The following RALGPS2 variants were observed in gnomAD, a reference collection of about 807,000 sequenced individuals.
RALGPS2 encodes ras-specific guanine nucleotide-releasing factor RalGPS2.
In RALGPS2, 43 loss-of-function variants were observed where a neutral mutation model predicts 86.8. The ratio of observed to expected loss-of-function variants is 0.50; its 90% CI spans 0.39 to 0.64. The LOEUF is 0.64. RALGPS2 is among the 30% of genes least tolerant of loss of function. RALGPS2 has a pLI of 0.00. For missense variants in RALGPS2, 536 were observed against 694.6 expected, an observed-to-expected ratio of 0.77 and a Z score of 2.57; for synonymous variants, 243 against 231.3, an observed-to-expected ratio of 1.05 and a Z score of -0.46.
chr1:178,885,842 A>T, intron 12 of RALGPS2, 127 bp from the exon 13 acceptor site: 1 of 800,254 alleles, frequency 1.2e-6, no homozygotes, highest in Non-Finnish European at 1.9e-6. Context: ...TGTTCATTTG[A>T]GGCTTTTATG....
In RALGPS2 at chr1:178,859,695, C is replaced by CTT. The variant is rs1190050936; in HGVS notation, c.608-17783_608-17782dup. Among the ~76,000 whole-genome samples the CTT allele has an allele frequency of 1.1e-3, 122 of 108,280 alleles. 3 individuals are homozygous for CTT. Among genetic ancestry groups the CTT allele is most frequent in the Middle Eastern group, 6.0e-3 (1 of 168 alleles). The allele number at this position is 108,280 out of a possible 152,430, so 71.0% of individuals were successfully genotyped here. On this transcript the variant is annotated intron_variant, in intron 8 of 19. Transcript: ENST00000367635. ...ACCATGCCACATCATACACGAAGCA[C>CTT]TTTTTTTTTTTTTTTTTTTTTGAGA...
chr1:178,781,181 G>C (rs1653375813), intron 2 of RALGPS2, among the ~76,000 whole-genome samples: 1 of 152,216 alleles, frequency 6.6e-6, no homozygotes, highest in African/African-American at 2.4e-5. Flanking sequence ...TCAGGCTTCA[G>C]AGTAGTATAA....
intron 7 of RALGPS2, among the ~76,000 whole-genome samples, chr1:178,827,552 G>A (rs932337712): frequency 1.3e-5 from 2 of 151,582 alleles, no homozygotes; most frequent in East Asian, 1.9e-4. Context: ...CCGCCACTAC[G>A]CCCGGCTAAT....
At chr1:178,731,272 G>GTTTTTTTTTTTTTTTTTT (rs57628726) in intron 1 of RALGPS2, among the ~76,000 whole-genome samples, 4 of 57,946 alleles carry the variant, frequency 6.9e-5, no homozygotes, top group African/African-American at 2.7e-4. Context: ...AGTTGTTTTG[G>GTTTTTTTTTTTTTTTTTT]TTTTTTTTTT....
At chr1:178,748,850 CAAA>C (rs568753748) in intron 1 of RALGPS2, among the ~76,000 whole-genome samples, 8 of 97,436 alleles carry the variant, frequency 8.2e-5, no homozygotes, top group East Asian at 2.8e-4. Flanking sequence ...GACTCTGTCT[CAAA>C]AAAAAAAAAA....
At chr1:178,819,397 C>T (rs1175590935) in intron 6 of RALGPS2, among the ~76,000 whole-genome samples, 1 of 152,170 alleles carries the variant, frequency 6.6e-6, no homozygotes, top group Non-Finnish European at 1.5e-5. Context: ...TGTTGTCTGG[C>T]AGTCTCTTGA....
At chr1:178,902,356 G>T in intron 18 of RALGPS2, 145 bp downstream of exon 18, 1 of 560,128 alleles carries the variant, frequency 1.8e-6, no homozygotes, top group Non-Finnish European at 3.1e-6. Context: ...TAGTTTCACT[G>T]GAATACTCAA....
intron 1 of RALGPS2, among the ~76,000 whole-genome samples, chr1:178,760,384 A>G (rs764069162): frequency 1.3e-5 from 2 of 152,186 alleles, no homozygotes; most frequent in Admixed American, 6.5e-5. Context: ...GAGTGTGTAT[A>G]TATTTAGGAT....
chr1:178,920,428 C>T lies in RALGPS2; in HGVS notation c.*4069C>T, dbSNP rs1647263728. ...CATCAAGTATGACAATAATCATGTG[C>T]CCTCTTGCTCCTCTTATTTCAGGAG... On this transcript the variant is annotated 3_prime_UTR_variant, in exon 20 of 20. Transcript: ENST00000367635. 6.6e-6 allele frequency: 1 copy of T among 151,926 alleles called. No individual in the cohort carries two copies. The highest frequency in any genetic ancestry group is 2.4e-5 in the African/African-American group (1 of 41,392). The allele number at this position is 151,926 out of a possible 1,614,324, so 9.4% of individuals were successfully genotyped here. A position where few individuals can be genotyped will look rare whatever the true frequency, so the allele number is the denominator to read the frequency against.
chr1:178,741,902 C>A (rs1651049621), intron 1 of RALGPS2, among the ~76,000 whole-genome samples: 1 of 152,002 alleles, frequency 6.6e-6, no homozygotes, highest in Non-Finnish European at 1.5e-5. Context: ...CTTTGGGAGG[C>A]CGAGGCGGGA....
In RALGPS2 at chr1:178,886,054, A is replaced by G; in HGVS notation, c.1126A>G (p.Met376Val). The change falls in exon 13 of 20, where the codon ATG becomes GTG. Residue 376 changes from methionine (M) to valine (V), a missense_variant. Around this residue, in one of 3 missense-constraint regions of RALGPS2, gnomAD observed 309 missense variants for 363.0 expected, o/e 0.85. Transcript: ENST00000367635. ...AAGACATCTGTTAGATGATAGCGTC[A>G]TGGAGCCCCATGCGCCATCTCGAGG... ...GPRHLLDDSV[M>V]EPHAPSRGQA... The G allele has an allele frequency of 2.5e-6, 4 of 1,613,830 alleles. No homozygotes were observed. Among genetic ancestry groups the G allele is most frequent in the Non-Finnish European group, 3.4e-6 (4 of 1,179,852 alleles).
intron 8 of RALGPS2, among the ~76,000 whole-genome samples, chr1:178,834,476 C>G (rs754355214): frequency 9.2e-5 from 14 of 152,192 alleles, no homozygotes; most frequent in Non-Finnish European, 1.6e-4. Context: ...CATTTAGCTA[C>G]TATAGAACAT....
chr1:178,908,746 A>T (rs1425574636), intron 19 of RALGPS2, among the ~76,000 whole-genome samples: 1 of 152,122 alleles, frequency 6.6e-6, no homozygotes, highest in Non-Finnish European at 1.5e-5. Context: ...TCCTTTGCCC[A>T]CTTTTTAATG....
chr1:178,795,740 T>C (rs887208532), intron 4 of RALGPS2, among the ~76,000 whole-genome samples: 2 of 152,106 alleles, frequency 1.3e-5, no homozygotes, highest in African/African-American at 2.4e-5. Flanking sequence ...TTCTGAAAAA[T>C]TTAACAATTG....
At chr1:178,891,847 G>A (rs1013440832) in intron 14 of RALGPS2, among the ~76,000 whole-genome samples, 12 of 151,660 alleles carry the variant, frequency 7.9e-5, no homozygotes, top group African/African-American at 2.7e-4. Flanking sequence ...ATATAAATCC[G>A]GGCATCATAT....
intron 18 of RALGPS2, among the ~76,000 whole-genome samples, chr1:178,902,754 G>A (rs12139850): frequency 0.08 from 12,219 of 151,986 alleles, 516 homozygotes; most frequent in African/African-American, 0.1. Context: ...CACAATTATT[G>A]TATTTATTTA....
At chr1:178,870,586 C>T (rs529795702) in intron 8 of RALGPS2, among the ~76,000 whole-genome samples, 3 of 152,128 alleles carry the variant, frequency 2.0e-5, no homozygotes, top group Non-Finnish European at 4.4e-5. Flanking sequence ...GTTTTTATGT[C>T]AAGTTGCAAG....
At chr1:178,796,508 A>T (rs766344292) in intron 4 of RALGPS2, among the ~76,000 whole-genome samples, 1 of 152,044 alleles carries the variant, frequency 6.6e-6, no homozygotes, top group African/African-American at 2.4e-5. Flanking sequence ...TCCCAGCCCC[A>T]TTGCCCTCTC....
chr1:178,812,928 C>CTTTTTTTTTT (rs397844555), intron 6 of RALGPS2, among the ~76,000 whole-genome samples: 22 of 106,832 alleles, frequency 2.1e-4, no homozygotes, highest in African/African-American at 7.3e-4. Context: ...TAGGTAAATA[C>CTTTTTTTTTT]TTTTTTTTTT....
Sources: allele counts gnomAD v4.1 joint callset (sites outside exome capture counted in the v4.1 genomes callset), GRCh38; gene constraint gnomAD v4.1.1; regional missense constraint gnomAD v4.1.1; transcripts MANE v1.5; gene names NCBI Gene and HGNC (gene_info 2026-07-23, HGNC 2026-07-21).